The following RSPO3 variants were observed in gnomAD, a reference collection of about 807,000 sequenced individuals.
RSPO3 encodes R-spondin-3.
In RSPO3, 17 loss-of-function variants were observed where a neutral mutation model predicts 36.5. The ratio of observed to expected loss-of-function variants is 0.47; its 90% CI spans 0.32 to 0.70. RSPO3 has a LOEUF of 0.70. Among genes scored for constraint, RSPO3 ranks in the 30% least tolerant of loss-of-function variants. RSPO3 has a pLI of 0.04. For synonymous variants in RSPO3, 108 were observed against 107.0 expected, an observed-to-expected ratio of 1.01 and a Z score of -0.06; for missense variants, 294 against 322.5, an observed-to-expected ratio of 0.91 and a Z score of 0.68.
intron 4 of RSPO3, among the ~76,000 whole-genome samples, chr6:127,172,232 T>C (rs975967913): frequency 1.2e-4 from 14 of 113,876 alleles, no homozygotes; most frequent in African/African-American, 4.1e-4. Context: ...ATATAATATA[T>C]ACACAAACAC....
chr6:127,196,607 A>T lies in RSPO3; in HGVS notation c.*600A>T, dbSNP rs1775521315. ...AACACAAGAGTGCATACCAGAATTG[A>T]ATATACCATATGGGATTGGAGAAAG... On this transcript the variant is annotated 3_prime_UTR_variant, in exon 5 of 5. Transcript: ENST00000356698. The T allele has an allele frequency of 6.6e-6, 1 of 152,254 alleles. No homozygotes were observed. Among genetic ancestry groups the T allele is most frequent in the Non-Finnish European group, 1.5e-5 (1 of 68,058 alleles). 9.4% of individuals were successfully genotyped at this position (152,254 alleles called of 1,614,324 possible).
chr6:127,192,794 G>GTA, intron 4 of RSPO3: 1 of 588,844 alleles, frequency 1.7e-6, no homozygotes. Flanking sequence ...ATATGTGTGT[G>GTA]TATATATGTC....
intron 4 of RSPO3, among the ~76,000 whole-genome samples, chr6:127,162,380 T>A (rs1192410828): frequency 6.6e-6 from 1 of 152,144 alleles, no homozygotes; most frequent in Non-Finnish European, 1.5e-5. Context: ...GATTCCTCAT[T>A]CACTTAACAA....
intron 3 of RSPO3, 128 bp downstream of exon 3, chr6:127,150,700 T>C (rs1774475419): frequency 2.5e-6 from 2 of 798,116 alleles, no homozygotes; most frequent in East Asian, 5.4e-5. Context: ...GTCTCCATCC[T>C]TCTTTACAAA....
At chr6:127,185,383 T>C (rs957031132) in intron 4 of RSPO3, among the ~76,000 whole-genome samples, 1 of 151,962 alleles carries the variant, frequency 6.6e-6, no homozygotes, top group African/African-American at 2.4e-5. Flanking sequence ...GTAGTAGAGG[T>C]TGAGTGGGGT....
At chr6:127,159,025 G>A (rs1774651665) in intron 4 of RSPO3, among the ~76,000 whole-genome samples, 1 of 152,056 alleles carries the variant, frequency 6.6e-6, no homozygotes, top group East Asian at 1.9e-4. Flanking sequence ...AGTAAACAAG[G>A]AGAAAATGCA....
At chr6:127,158,547 A>G (rs576971009) in intron 4 of RSPO3, among the ~76,000 whole-genome samples, 2 of 152,262 alleles carry the variant, frequency 1.3e-5, no homozygotes, top group East Asian at 3.9e-4. Flanking sequence ...AAGAATGATA[A>G]GATCCAGAAA....
intron 4 of RSPO3, among the ~76,000 whole-genome samples, chr6:127,162,157 T>C (rs1774721550): frequency 6.6e-6 from 1 of 152,154 alleles, no homozygotes; most frequent in Admixed American, 6.6e-5. Context: ...GAACCTGGCA[T>C]AGTTTTTACT....
chr6:127,145,076 T>C (rs900889727), intron 1 of RSPO3, among the ~76,000 whole-genome samples: 1 of 152,186 alleles, frequency 6.6e-6, no homozygotes. Flanking sequence ...GCCAGGTTTA[T>C]CTTTTTAAAC....
Position 127,119,276 on chromosome 6 carries a change from G to A in RSPO3, c.84G>A (p.Arg28=). 6.2e-7 allele frequency: 1 copy of A among 1,612,430 alleles called. No homozygotes were observed. The highest frequency in any genetic ancestry group is 1.3e-5 in the African/African-American group (1 of 75,044). ...YIGSQNASRG[R]RQRRMHPNVS... Reference sequence around the variant, plus strand: ...GCAGCCAAAACGCCTCCCGGGGAAGGCGCCAGCGAAGAAGTAAGTGCAGGG... The same window carrying A: ...GCAGCCAAAACGCCTCCCGGGGAAGACGCCAGCGAAGAAGTAAGTGCAGGG... Residue 28 remains arginine (R), a synonymous_variant, in exon 1 of 5, where the codon AGG becomes AGA. Transcript: ENST00000356698.
At chr6:127,167,035 ATATT>A (rs1774834780) in intron 4 of RSPO3, among the ~76,000 whole-genome samples, 1 of 151,972 alleles carries the variant, frequency 6.6e-6, no homozygotes, top group South Asian at 2.1e-4. Flanking sequence ...TGCATAGCAA[ATATT>A]TTTCTTATTC....
chr6:127,124,601 GT>G (rs1773905664), intron 1 of RSPO3, among the ~76,000 whole-genome samples: 1 of 151,248 alleles, frequency 6.6e-6, no homozygotes, highest in African/African-American at 2.4e-5. Flanking sequence ...AAGGGCAAAT[GT>G]AGATTGCTTT....
In RSPO3 at chr6:127,138,566, A is replaced by G. The variant is rs948248298; in HGVS notation, c.98-10082A>G. On this transcript the variant is annotated intron_variant, in intron 1 of 4. Transcript: ENST00000356698. ...GAGTTTAGTGCCTCTTGAGTTAAAC[A>G]AAGTGTCTTATACCTATGATTTTGA... is the stretch of plus-strand genomic sequence containing the variant. Among the ~76,000 whole-genome samples, 6 of 152,270 alleles carry G rather than the reference A, an allele frequency of 3.9e-5. No homozygotes were observed. In the East Asian group the frequency reaches 1.2e-3, roughly 29 times the overall value.
intron 4 of RSPO3, among the ~76,000 whole-genome samples, chr6:127,157,503 C>A (rs937322812): frequency 6.6e-6 from 1 of 151,884 alleles, no homozygotes; most frequent in Non-Finnish European, 1.5e-5. Context: ...ATAAAATAAA[C>A]AACATCACAA....
chr6:127,150,164 GAGAT>G (rs368642220), intron 2 of RSPO3, among the ~76,000 whole-genome samples: 3,246 of 141,104 alleles, frequency 0.023, 52 homozygotes, highest in Middle Eastern at 0.08. Flanking sequence ...AATATTCTTG[GAGAT>G]ATATATATAT....
chr6:127,179,565 G>A (rs1207656363), intron 4 of RSPO3, among the ~76,000 whole-genome samples: 1 of 151,834 alleles, frequency 6.6e-6, no homozygotes, highest in Non-Finnish European at 1.5e-5. Flanking sequence ...TGAAATATAA[G>A]AAAACCATTA....
Position 127,197,642 on chromosome 6 carries a change from C to T in RSPO3, c.*1635C>T. ...TCTGAAGAATTTGCAATGACTCTGG[C>T]TTCTGGCTGCTTATCTCTGGACACC... On this transcript the variant is annotated 3_prime_UTR_variant, in exon 5 of 5. Coordinates refer to ENST00000356698, the MANE Select transcript of RSPO3 (RefSeq NM_032784.5). The T allele has an allele frequency of 7.8e-7, 1 of 1,287,928 alleles. No individual in the cohort carries two copies. Among genetic ancestry groups the T allele is most frequent in the Non-Finnish European group, 1.0e-6 (1 of 957,618 alleles). The allele number at this position is 1,287,928 out of a possible 1,614,324, so 79.8% of individuals were successfully genotyped here.
At chr6:127,168,237 T>C (rs1310482444) in intron 4 of RSPO3, among the ~76,000 whole-genome samples, 1 of 152,182 alleles carries the variant, frequency 6.6e-6, no homozygotes, top group Non-Finnish European at 1.5e-5. Flanking sequence ...AAAGTGTTCC[T>C]ATTTCTCCAC....
At chr6:127,165,810 T>G (rs1168601700) in intron 4 of RSPO3, among the ~76,000 whole-genome samples, 1 of 152,038 alleles carries the variant, frequency 6.6e-6, no homozygotes, top group Non-Finnish European at 1.5e-5. Flanking sequence ...ACCATCTCAG[T>G]TAAGCTACAG....
Sources: allele counts gnomAD v4.1 joint callset (sites outside exome capture counted in the v4.1 genomes callset), GRCh38; gene constraint gnomAD v4.1.1; transcripts MANE v1.5; gene names NCBI Gene and HGNC (gene_info 2026-07-23, HGNC 2026-07-21).